The following GART variants were observed in gnomAD, a reference collection of about 807,000 sequenced individuals.
GART encodes trifunctional purine biosynthetic protein adenosine-3.
A neutral mutation model predicts 107.2 loss-of-function variants in GART; 43 were observed. That is an observed-to-expected ratio of 0.40 (90% CI 0.31 to 0.52). The LOEUF is 0.52. Among genes scored for constraint, GART ranks in the 20% least tolerant of loss-of-function variants. The probability of loss-of-function intolerance (pLI) is 0.52; values close to 1 mark genes in which losing one functional copy is unlikely to be tolerated. For missense variants in GART, 1,107 were observed against 1,206.5 expected, an observed-to-expected ratio of 0.92 and a Z score of 1.22; for synonymous variants, 434 against 427.0, an observed-to-expected ratio of 1.02 and a Z score of -0.20.
Position 33,541,738 on chromosome 21 carries a change from G to A in GART, c.-42+327C>T, listed in dbSNP as rs144633826. Among the ~76,000 whole-genome samples the A allele has an allele frequency of 4.2e-3, 643 of 152,226 alleles. 6 individuals carry two copies. The highest frequency in any genetic ancestry group is 0.015 in the African/African-American group (618 of 41,528). ...ATCAGAGGATATGGAGAATAAAGTAGAAACCAACTACAAAATTAACCAAGT... is the reference window on the plus strand; with the variant it reads ...ATCAGAGGATATGGAGAATAAAGTAAAAACCAACTACAAAATTAACCAAGT... On this transcript the variant is annotated intron_variant, in intron 1 of 21. Coordinates refer to ENST00000381815, the MANE Select transcript of GART (RefSeq NM_000819.5).
intron 4 of GART, among the ~76,000 whole-genome samples, chr21:33,534,006 T>C (rs1259247008): frequency 6.6e-6 from 1 of 152,164 alleles, no homozygotes; most frequent in Admixed American, 6.5e-5. Flanking sequence ...CCTGAGGAAC[T>C]ACTCAGATTT....
At position 33,506,019 on chromosome 21, in the gene GART, T is replaced by C. The variant is rs2084672100; in HGVS notation, c.2538A>G (p.Ala846=). 1 of 1,614,192 alleles carries C rather than the reference T, an allele frequency of 6.2e-7. No homozygotes were observed. The highest frequency in any genetic ancestry group is 8.5e-7 in the Non-Finnish European group (1 of 1,180,018). ...TTTCCGCTTTATCTAACCCAGCTAC[T>C]GCGGCTTTGTTGGAGATAACAATAT... ...QIDIVISNKA[A]VAGLDKAERA... Residue 846 remains alanine, a synonymous_variant, in exon 19 of 22, where the codon GCA becomes GCG. Transcript: ENST00000381815.
At chr21:33,540,377 CA>C (rs1027014088) in intron 1 of GART, among the ~76,000 whole-genome samples, 2 of 152,204 alleles carry the variant, frequency 1.3e-5, no homozygotes, top group African/African-American at 4.8e-5. Flanking sequence ...TCACATGTCA[CA>C]AAAACCTCAT....
At chr21:33,521,580 C>T (rs934949413) in intron 12 of GART, among the ~76,000 whole-genome samples, 4 of 146,250 alleles carry the variant, frequency 2.7e-5, no homozygotes, top group Non-Finnish European at 4.4e-5. Flanking sequence ...TGCAGCTAGC[C>T]GAAATGGCAC....
intron 5 of GART, 155 bp downstream of exon 5, chr21:33,532,190 T>C (rs1270130029): frequency 7.8e-6 from 5 of 638,378 alleles, no homozygotes; most frequent in East Asian, 7.8e-5. Flanking sequence ...AACTATTTTA[T>C]AGAGATGGAT....
rs370360024 is a variant in GART, at chr21:33,540,061, A to T, written c.-41-705T>A. Among the ~76,000 whole-genome samples the T allele has an allele frequency of 1.2e-4, 19 of 152,344 alleles. 1 individual carries two copies. The East Asian group carries it at 3.3e-3, about 26-fold the overall frequency. Reference sequence around the variant, plus strand: ...TCTTACAGATAATTAGGTTATCATAAATTAAAGGATATACTGAAAACTGGG... The same window carrying T: ...TCTTACAGATAATTAGGTTATCATATATTAAAGGATATACTGAAAACTGGG... On this transcript the variant is annotated intron_variant, in intron 1 of 21. Coordinates refer to ENST00000381815, the MANE Select transcript of GART (RefSeq NM_000819.5).
At position 33,509,914 on chromosome 21, in the gene GART, G is replaced by T. The variant is rs768697718; in HGVS notation, c.2321C>A (p.Pro774Gln). 13 of 1,609,418 alleles carry T rather than the reference G, an allele frequency of 8.1e-6. No homozygotes were observed. The highest frequency in any genetic ancestry group is 1.1e-5 in the Non-Finnish European group (13 of 1,178,084). Residue 774 changes from proline (P) to glutamine (Q), a missense_variant, in exon 18 of 22, where the codon CCA becomes CAA. Pro to Gln is a moderately conservative substitution (Grantham distance 76, BLOSUM62 -1). Coordinates refer to ENST00000381815, the MANE Select transcript of GART (RefSeq NM_000819.5). Reference protein sequence around the residue: ...GSVVARAEGSPRVKVKNLIES... With the variant: ...GSVVARAEGSQRVKVKNLIES... The stretch of plus-strand genomic sequence containing the variant: ...AATCAGATTCTTGACTTTCACACGT[G>T]GGGAACCTTCATTTCAAACATATCC...
At chr21:33,537,314 T>C (rs889483691) in intron 2 of GART, among the ~76,000 whole-genome samples, 1 of 152,236 alleles carries the variant, frequency 6.6e-6, no homozygotes, top group African/African-American at 2.4e-5. Context: ...TTATTCCTTT[T>C]GGTCTTATAT....
intron 7 of GART, among the ~76,000 whole-genome samples, chr21:33,529,981 C>G (rs1321770027): frequency 6.6e-6 from 1 of 151,888 alleles, no homozygotes; most frequent in Non-Finnish European, 1.5e-5. Context: ...GATCACGGGT[C>G]AAGAGATCCA....
In GART at chr21:33,524,342, G is replaced by T. The variant is rs945810162; in HGVS notation, c.1298+427C>A. ...AAGCAGGAGGATCACTTGAGCCCAG[G>T]ATTTCAGACTGGCCTTGGCAACATG... On this transcript the variant is annotated intron_variant, in intron 11 of 21. Coordinates refer to ENST00000381815, the MANE Select transcript of GART (RefSeq NM_000819.5). The T allele has an allele frequency of 3.5e-6, 3 of 858,038 alleles. No individual in the cohort carries two copies. The African/African-American group carries it at 5.5e-5, about 16-fold the overall frequency. 53.2% of individuals were successfully genotyped at this position (858,038 alleles called of 1,614,324 possible).
chr21:33,522,177 G>A lies in GART; in HGVS notation c.1393+11C>T, dbSNP rs765439427. On this transcript the variant is annotated intron_variant, in intron 12 of 21. Transcript: ENST00000381815. Reference sequence around the variant, plus strand: ...AAAGTTAATGAATTAGCAAAGTATAGGATCACTGACCTGATCTGGAAGTGG... The same window carrying A: ...AAAGTTAATGAATTAGCAAAGTATAAGATCACTGACCTGATCTGGAAGTGG... 5 of 1,596,176 alleles carry A rather than the reference G, an allele frequency of 3.1e-6. No homozygotes were observed. The highest frequency in any genetic ancestry group is 2.2e-5 in the East Asian group (1 of 44,816).
At chr21:33,505,823 T>C (rs2084668332) in intron 19 of GART, 121 bp from the exon 20 acceptor site, 6 of 1,352,640 alleles carry the variant, frequency 4.4e-6, no homozygotes, top group Non-Finnish European at 6.1e-6. Flanking sequence ...AGAGAGATTA[T>C]TAAGAAAGGG....
At position 33,530,807 on chromosome 21, in the gene GART, A is replaced by T; in HGVS notation, c.675T>A (p.Asp225Glu). The change falls in exon 7 of 22, where the codon GAT becomes GAA. Residue 225 changes from aspartate (D) to glutamate (E), a missense_variant. Transcript: ENST00000381815. Reference protein sequence around the residue: ...AQDHKRLLEGDGGPNTGGMGA... With the variant: ...AQDHKRLLEGEGGPNTGGMGA... ...CCATTCCCCCTGTGTTAGGGCCACC[A>T]TCTCCCTCCAGTAATCGCTTATGGT... 6.5e-7 allele frequency: 1 copy of T among 1,533,020 alleles called. No individual in the cohort carries two copies. The highest frequency in any genetic ancestry group is 8.7e-7 in the Non-Finnish European group (1 of 1,146,848). 95.0% of individuals were successfully genotyped at this position (1,533,020 alleles called of 1,614,324 possible). A position where few individuals can be genotyped will look rare whatever the true frequency, so the allele number is the denominator to read the frequency against.
intron 11 of GART, chr21:33,524,231 C>A: frequency 1.0e-6 from 1 of 985,542 alleles, no homozygotes; most frequent in Non-Finnish European, 1.2e-6. Context: ...TCAAATACAA[C>A]ACTATGTGAT....
At chr21:33,532,531 T>A in intron 4 of GART, 75 bp from the exon 5 acceptor site, 1 of 1,086,518 alleles carries the variant, frequency 9.2e-7, no homozygotes, top group Non-Finnish European at 1.4e-6. Context: ...TGGGATTTTG[T>A]AACGATATGC....
rs774238157 is a variant in GART, at chr21:33,520,380, A to G, written c.1686T>C (p.Ala562=). ...VAGIAKACGK[A]GCALLGGETA... is the part of the protein sequence containing the mutation. ...TGATCATACCAAGGAGAGCACATCC[A>G]GCTTTTCCACAAGCTTTAGCAATTC... Residue 562 remains alanine (A), a synonymous_variant, in exon 14 of 22, where the codon GCT becomes GCC. Coordinates refer to ENST00000381815, the MANE Select transcript of GART (RefSeq NM_000819.5). The G allele has an allele frequency of 5.0e-6, 8 of 1,614,196 alleles. No homozygotes were observed. In the South Asian group the frequency reaches 8.8e-5, roughly 18 times the overall value.
At chr21:33,504,381 A>C (rs757238601) in intron 21 of GART, 31 bp downstream of exon 21, 1 of 1,608,828 alleles carries the variant, frequency 6.2e-7, no homozygotes, top group African/African-American at 1.3e-5. Context: ...CTGACTACTA[A>C]TATTATGTTG....
At chr21:33,540,642 T>C (rs934075652) in intron 1 of GART, among the ~76,000 whole-genome samples, 1 of 152,196 alleles carries the variant, frequency 6.6e-6, no homozygotes, top group Non-Finnish European at 1.5e-5. Context: ...TATAAATAAG[T>C]ACAATCTGGC....
chr21:33,539,228 C>T lies in GART; in HGVS notation c.88G>A (p.Val30Met). 6 of 1,614,198 alleles carry T rather than the reference C, an allele frequency of 3.7e-6. No homozygotes were observed. The highest frequency in any genetic ancestry group is 4.2e-6 in the Non-Finnish European group (5 of 1,180,014). ...KLAQSHHVKQ[V>M]LVAPGNAGTA... Reference sequence around the variant, plus strand: ...CCTGCGTTTCCTGGGGCAACCAACACTTGTTTGACATGATGAGACTGTGCA... The same window carrying T: ...CCTGCGTTTCCTGGGGCAACCAACATTTGTTTGACATGATGAGACTGTGCA... The change falls in exon 2 of 22, where the codon GTG (valine) becomes ATG (methionine). Residue 30 changes from valine (V) to methionine (M), a missense_variant. Transcript: ENST00000381815.
Sources: allele counts gnomAD v4.1 joint callset (sites outside exome capture counted in the v4.1 genomes callset), GRCh38; gene constraint gnomAD v4.1.1; transcripts MANE v1.5; gene names NCBI Gene and HGNC (gene_info 2026-07-23, HGNC 2026-07-21).